RNF111: variants seen among roughly 807,000 people sequenced by gnomAD.
RNF111 encodes the protein ring finger protein 111.
A neutral mutation model predicts 95.1 loss-of-function variants in RNF111; 17 were observed. That is an observed-to-expected ratio of 0.18 (90% CI 0.12 to 0.27). The LOEUF (loss-of-function observed/expected upper bound fraction) is 0.27. Among genes scored for constraint, RNF111 ranks in the 10% least tolerant of loss-of-function variants. The pLI is 1.00. For synonymous variants in RNF111, 440 were observed against 414.8 expected (o/e 1.06, Z -0.74); for missense variants, 1,189 against 1,210.4 (o/e 0.98, Z 0.26).
intron 1 of RNF111, among the ~76,000 whole-genome samples, chr15:59,011,650 T>A (rs2039821293): frequency 6.6e-6 from 1 of 152,206 alleles, no homozygotes; most frequent in Admixed American, 6.5e-5. Flanking sequence ...TCTGTGTGTT[T>A]GCATCCTGAT....
intron 6 of RNF111, among the ~76,000 whole-genome samples, chr15:59,069,638 A>T (rs1409260840): frequency 6.6e-6 from 1 of 152,214 alleles, no homozygotes; most frequent in African/African-American, 2.4e-5. Flanking sequence ...CAGCAGGATC[A>T]CAGGCATTCA....
At chr15:59,024,465 C>G (rs200592840) in intron 1 of RNF111, among the ~76,000 whole-genome samples, 1 of 62,524 alleles carries the variant, frequency 1.6e-5, no homozygotes, top group South Asian at 3.8e-4. Flanking sequence ...ATCTTTTCAG[C>G]AAGTACTTTA....
rs1216026229 is a variant in RNF111, at chr15:59,058,310, A to G, written c.1172-46A>G. 4.1e-6 allele frequency: 6 copies of G among 1,458,060 alleles called. No homozygotes were observed. The Admixed American group carries it at 1.0e-4, about 24-fold the overall frequency. The allele number at this position is 1,458,060 out of a possible 1,614,324, so 90.3% of individuals were successfully genotyped here. ...AGCTTACATTAAAATATAACCCTTT[A>G]TCTAATTTGTTTTGAAATGCTAAGT... On this transcript the variant is annotated intron_variant, in intron 4 of 13. Coordinates refer to ENST00000348370, the MANE Select transcript of RNF111 (RefSeq NM_017610.8).
chr15:59,035,562 G>A (rs1458292555), intron 2 of RNF111, among the ~76,000 whole-genome samples: 1 of 152,152 alleles, frequency 6.6e-6, no homozygotes, highest in Non-Finnish European at 1.5e-5. Flanking sequence ...CAGAAAATGG[G>A]TTTCCTTTTT....
At chr15:59,073,225 C>G (rs181422739) in intron 6 of RNF111, among the ~76,000 whole-genome samples, 2 of 152,048 alleles carry the variant, frequency 1.3e-5, no homozygotes, top group Non-Finnish European at 2.9e-5. Flanking sequence ...AATCCCAGCA[C>G]TTTGTTTGAG....
At position 59,031,538 on chromosome 15, in the gene RNF111, G is replaced by C. The variant is rs767842846; in HGVS notation, c.716G>C (p.Arg239Pro). The C allele has an allele frequency of 6.2e-7, 1 of 1,614,170 alleles. No individual in the cohort carries two copies. The highest frequency in any genetic ancestry group is 8.5e-7 in the Non-Finnish European group (1 of 1,180,022). ...KERILMQRKKREVLARRKYAL... is the reference protein window; with the variant it reads ...KERILMQRKKPEVLARRKYAL... Reference sequence around the variant, plus strand: ...AGGATATTAATGCAGAGGAAGAAACGAGAAGTGTTAGCTCGAAGAAAATAT... The same window carrying C: ...AGGATATTAATGCAGAGGAAGAAACCAGAAGTGTTAGCTCGAAGAAAATAT... The change falls in exon 2 of 14, where the codon CGA (arginine) becomes CCA (proline). Residue 239 changes from arginine to proline, a missense_variant. Physicochemically the swap from Arg to Pro is moderately radical, Grantham distance 103 (BLOSUM62 -2). Around this residue, in one of 2 missense-constraint regions of RNF111, gnomAD observed 1,024 missense variants for 925.9 expected, o/e 1.11. Transcript: ENST00000348370.
At chr15:59,016,739 G>C (rs117819786) in intron 1 of RNF111, among the ~76,000 whole-genome samples, 5,029 of 152,242 alleles carry the variant, frequency 0.033, 133 homozygotes, top group South Asian at 0.084. Flanking sequence ...CCACGGACTG[G>C]TACCCATCTG....
At chr15:59,064,508 C>A (rs1197609260) in intron 5 of RNF111, among the ~76,000 whole-genome samples, 4 of 138,526 alleles carry the variant, frequency 2.9e-5, no homozygotes, top group African/African-American at 1.1e-4. Context: ...TGCACTCTAG[C>A]CTGGGCGACA....
In RNF111 at chr15:59,081,303, A is replaced by T. The variant is rs1158605834; in HGVS notation, c.2297+19A>T. The T allele has an allele frequency of 6.2e-7, 1 of 1,602,234 alleles. No homozygotes were observed. Among genetic ancestry groups the T allele is most frequent in the Non-Finnish European group, 8.5e-7 (1 of 1,171,700 alleles). ...ATCCAACGTATGTTTTACGTTTTTAAAAAGAAAGTCAAGTTTGCTTTTTCT... is the reference window on the plus strand; with the variant it reads ...ATCCAACGTATGTTTTACGTTTTTATAAAGAAAGTCAAGTTTGCTTTTTCT... On this transcript the variant is annotated intron_variant, in intron 8 of 13. Transcript: ENST00000348370.
intron 1 of RNF111, among the ~76,000 whole-genome samples, chr15:59,029,831 G>C (rs574483369): frequency 1.8e-4 from 27 of 152,172 alleles, no homozygotes; most frequent in South Asian, 1.0e-3. Context: ...CATTTTTTTA[G>C]TGTTCATTCA....
At chr15:59,030,703 C>A in intron 1 of RNF111, 101 bp from the exon 2 acceptor site, 1 of 761,158 alleles carries the variant, frequency 1.3e-6, no homozygotes, top group Non-Finnish European at 2.0e-6. Flanking sequence ...GACAGTTCTG[C>A]CTTTATAAGG....
In RNF111 at chr15:59,015,563, G is replaced by T. The variant is rs184772034; in HGVS notation, c.-19-15241G>T. Among the ~76,000 whole-genome samples, 20 of 151,280 alleles carry T rather than the reference G, an allele frequency of 1.3e-4. No individual in the cohort carries two copies. In the East Asian group the frequency reaches 3.3e-3, roughly 25 times the overall value. ...TCAGGTAAAGTCTTCCTAAAACTAG[G>T]TTAAACAGAAACCTATAATCCCTCA... On this transcript the variant is annotated intron_variant, in intron 1 of 13. Coordinates refer to ENST00000348370, the MANE Select transcript of RNF111 (RefSeq NM_017610.8).
At chr15:59,059,497 T>A (rs1487879854) in intron 5 of RNF111, among the ~76,000 whole-genome samples, 1 of 152,250 alleles carries the variant, frequency 6.6e-6, no homozygotes, top group South Asian at 2.1e-4. Flanking sequence ...GCACTAAGTC[T>A]ACTCCTTAGT....
At chr15:59,031,829 CAT>C (rs1207018511) in intron 2 of RNF111, 127 bp downstream of exon 2, 8 of 816,744 alleles carry the variant, frequency 9.8e-6, no homozygotes, top group African/African-American at 1.7e-5. Flanking sequence ...ATTTTTAAGT[CAT>C]ATAAATTACC....
At chr15:59,048,759 CTA>C (rs2041829840) in intron 2 of RNF111, among the ~76,000 whole-genome samples, 1 of 152,100 alleles carries the variant, frequency 6.6e-6, no homozygotes, top group Non-Finnish European at 1.5e-5. Flanking sequence ...ACCATTTTAA[CTA>C]TTTTTAAGCT....
At chr15:59,069,910 C>T (rs1422897643) in intron 6 of RNF111, among the ~76,000 whole-genome samples, 6 of 151,694 alleles carry the variant, frequency 4.0e-5, no homozygotes, top group African/African-American at 1.5e-4. Context: ...GACTGGCATA[C>T]CGAGAAGATG....
intron 7 of RNF111, among the ~76,000 whole-genome samples, chr15:59,078,691 T>C (rs1432751197): frequency 9.2e-5 from 14 of 151,786 alleles, no homozygotes; most frequent in African/African-American, 3.4e-4. Flanking sequence ...AAACCCTGTC[T>C]CTACTAAAAA....
At chr15:59,042,244 A>G (rs1307367860) in intron 2 of RNF111, among the ~76,000 whole-genome samples, 1 of 151,904 alleles carries the variant, frequency 6.6e-6, no homozygotes, top group Non-Finnish European at 1.5e-5. Flanking sequence ...CTCCCACCTC[A>G]GCCTCCTGAG....
intron 5 of RNF111, among the ~76,000 whole-genome samples, chr15:59,061,256 C>A (rs114193479): frequency 0.012 from 1,755 of 152,288 alleles, 28 homozygotes; most frequent in African/African-American, 0.041. Context: ...CTCTTAAGGT[C>A]AATTTCCTTC....
Sources: allele counts gnomAD v4.1 joint callset (sites outside exome capture counted in the v4.1 genomes callset), GRCh38; gene constraint gnomAD v4.1.1; regional missense constraint gnomAD v4.1.1; transcripts MANE v1.5; gene names NCBI Gene and HGNC (gene_info 2026-07-23, HGNC 2026-07-21).